The following RSPO2 variants were observed in gnomAD, a reference collection of about 807,000 sequenced individuals.
RSPO2 encodes R-spondin-2.
RSPO2 carries 14 observed loss-of-function variants against 30.9 expected under a neutral mutation model. That is an observed-to-expected ratio of 0.45 (90% CI 0.30 to 0.71). The LOEUF (loss-of-function observed/expected upper bound fraction) is 0.71. Among genes scored for constraint, RSPO2 ranks in the 30% least tolerant of loss-of-function variants. The probability of loss-of-function intolerance (pLI) is 0.08; values close to 1 mark genes in which losing one functional copy is unlikely to be tolerated. For missense variants in RSPO2, 264 were observed against 301.9 expected, an observed-to-expected ratio of 0.87 and a Z score of 0.93; for synonymous variants, 107 against 96.4, an observed-to-expected ratio of 1.11 and a Z score of -0.64.
intron 2 of RSPO2, among the ~76,000 whole-genome samples, chr8:108,070,961 G>A (rs1402150135): frequency 6.6e-6 from 1 of 151,702 alleles, no homozygotes; most frequent in Non-Finnish European, 1.5e-5. Flanking sequence ...CAAGTTTGAG[G>A]AAATGGTCTT....
intron 3 of RSPO2, among the ~76,000 whole-genome samples, chr8:107,974,513 T>C (rs1207359318): frequency 6.6e-6 from 1 of 151,902 alleles, no homozygotes; most frequent in Non-Finnish European, 1.5e-5. Context: ...GACCTTGTCT[T>C]AACCAAAAGA....
intron 3 of RSPO2, among the ~76,000 whole-genome samples, chr8:107,984,369 G>C (rs1054186856): frequency 3.3e-5 from 5 of 152,292 alleles, no homozygotes; most frequent in African/African-American, 1.2e-4. Flanking sequence ...GGCCGGAGGG[G>C]CTGCTTTATA....
At chr8:107,936,787 GT>G (rs1812736081) in intron 5 of RSPO2, among the ~76,000 whole-genome samples, 1 of 152,058 alleles carries the variant, frequency 6.6e-6, no homozygotes, top group Admixed American at 6.6e-5. Context: ...TCATATACCT[GT>G]TGGGCATTTC....
chr8:107,994,615 A>C (rs1169051281), intron 2 of RSPO2, among the ~76,000 whole-genome samples: 1 of 152,206 alleles, frequency 6.6e-6, no homozygotes, highest in Non-Finnish European at 1.5e-5. Flanking sequence ...TAATTTCTAA[A>C]ATATTAAAAA....
rs143822406 is a variant in RSPO2 at position 108,046,677 on chromosome 8, G to A, written c.94+35868C>T. Among the ~76,000 whole-genome samples the A allele has an allele frequency of 4.5e-3, 685 of 152,216 alleles. 4 individuals are homozygous for A. Among genetic ancestry groups the A allele is most frequent in the Non-Finnish European group, 5.8e-3 (393 of 68,008 alleles). ...CTCTATTAACTACACAGGCACACCCGTGGTTTGAAACAGTGCATGCTTCAA... is the reference window on the plus strand; with the variant it reads ...CTCTATTAACTACACAGGCACACCCATGGTTTGAAACAGTGCATGCTTCAA... On this transcript the variant is annotated intron_variant, in intron 2 of 5. Coordinates refer to ENST00000276659, the MANE Select transcript of RSPO2 (RefSeq NM_178565.5).
At chr8:108,049,355 CT>C (rs948864056) in intron 2 of RSPO2, among the ~76,000 whole-genome samples, 2 of 151,480 alleles carry the variant, frequency 1.3e-5, no homozygotes, top group Admixed American at 6.6e-5. Context: ...TTGGCTGGGA[CT>C]TTTTTTTCTT....
chr8:108,066,511 TCTC>T (rs760110554), intron 2 of RSPO2, among the ~76,000 whole-genome samples: 8 of 152,240 alleles, frequency 5.3e-5, no homozygotes, highest in African/African-American at 9.6e-5. Flanking sequence ...TTGGAAGACT[TCTC>T]CTCCATCTGA....
intron 2 of RSPO2, among the ~76,000 whole-genome samples, chr8:108,036,359 C>T (rs1396920681): frequency 6.6e-6 from 1 of 152,190 alleles, no homozygotes; most frequent in Admixed American, 6.5e-5. Flanking sequence ...GCATGGTTTA[C>T]TGAAAATATG....
At chr8:107,947,668 A>G (rs1013332067) in intron 5 of RSPO2, among the ~76,000 whole-genome samples, 3 of 152,182 alleles carry the variant, frequency 2.0e-5, no homozygotes, top group African/African-American at 7.2e-5. Flanking sequence ...TGTACAGTTG[A>G]TCCTCTTCCT....
chr8:108,068,748 A>G (rs1315731819), intron 2 of RSPO2, among the ~76,000 whole-genome samples: 6 of 152,196 alleles, frequency 3.9e-5, no homozygotes, highest in Admixed American at 3.9e-4. Flanking sequence ...AGAAGCAGAG[A>G]TTGGAATTCT....
chr8:107,909,920 G>A (rs1811769056), intron 5 of RSPO2, among the ~76,000 whole-genome samples: 1 of 152,166 alleles, frequency 6.6e-6, no homozygotes, highest in African/African-American at 2.4e-5. Context: ...TGTTTTGGGG[G>A]AAAAGGTAAG....
intron 4 of RSPO2, among the ~76,000 whole-genome samples, chr8:107,959,381 C>A (rs771932806): frequency 6.6e-6 from 1 of 152,182 alleles, no homozygotes; most frequent in Non-Finnish European, 1.5e-5. Context: ...TACCCCCCAA[C>A]TCCCAGGGGA....
At chr8:107,919,214 T>C (rs1438873028) in intron 5 of RSPO2, among the ~76,000 whole-genome samples, 2 of 152,092 alleles carry the variant, frequency 1.3e-5, no homozygotes, top group Non-Finnish European at 2.9e-5. Context: ...TTCCACCTTC[T>C]TTAGCCAACA....
At chr8:108,028,113 G>T (rs1563569932) in intron 2 of RSPO2, among the ~76,000 whole-genome samples, 3 of 151,826 alleles carry the variant, frequency 2.0e-5, no homozygotes, top group Non-Finnish European at 4.4e-5. Flanking sequence ...CGGTTCCCAG[G>T]ATGTGAGATC....
At chr8:107,968,173 C>T (rs1813875905) in intron 3 of RSPO2, among the ~76,000 whole-genome samples, 1 of 151,868 alleles carries the variant, frequency 6.6e-6, no homozygotes. Context: ...TTTATAATAG[C>T]CAAGATATGG....
intron 3 of RSPO2, among the ~76,000 whole-genome samples, chr8:107,977,823 T>C (rs1305532338): frequency 6.6e-6 from 1 of 152,114 alleles, no homozygotes; most frequent in East Asian, 1.9e-4. Context: ...CTGGTAAGCA[T>C]TTAAGCATAA....
chr8:107,997,068 T>C (rs1815052969), intron 2 of RSPO2: 1 of 214,824 alleles, frequency 4.7e-6, no homozygotes, highest in Non-Finnish European at 9.6e-6. Flanking sequence ...AGAGCCCATG[T>C]GATTTTTACA....
At position 107,998,392 on chromosome 8, in the gene RSPO2, A is replaced by C. The variant is rs182762055; in HGVS notation, c.95-9148T>G. ...CTACCAAGCTCAAACTCAATTAAGC[A>C]ATCAACGTAATGAATTAATGTGCCA... On this transcript the variant is annotated intron_variant, in intron 2 of 5. Transcript: ENST00000276659. Among the ~76,000 whole-genome samples the C allele has an allele frequency of 8.8e-4, 134 of 152,318 alleles. 1 individual carries two copies. Among genetic ancestry groups the C allele is most frequent in the African/African-American group, 3.1e-3 (130 of 41,570 alleles).
intron 2 of RSPO2, among the ~76,000 whole-genome samples, chr8:108,082,252 G>A (rs1426048903): frequency 1.3e-5 from 2 of 152,242 alleles, no homozygotes; most frequent in African/African-American, 4.8e-5. Flanking sequence ...AGATGAGGAG[G>A]TGGGGCGGCG....
Sources: allele counts gnomAD v4.1 joint callset (sites outside exome capture counted in the v4.1 genomes callset), GRCh38; gene constraint gnomAD v4.1.1; transcripts MANE v1.5; gene names NCBI Gene and HGNC (gene_info 2026-07-23, HGNC 2026-07-21).